The following PPP3R1 variants were observed in gnomAD, a reference collection of about 807,000 sequenced individuals.
PPP3R1 encodes protein phosphatase 3 regulatory subunit B, alpha.
PPP3R1 carries 5 observed loss-of-function variants against 22.6 expected under a neutral mutation model. That is an observed-to-expected ratio of 0.22 (90% confidence interval 0.12 to 0.46). The LOEUF (loss-of-function observed/expected upper bound fraction) is 0.46. Ranked by LOEUF, PPP3R1 falls within the 20% of genes least tolerant of loss-of-function variation. PPP3R1 has a pLI of 0.99. For synonymous variants in PPP3R1, 56 were observed against 65.2 expected, an observed-to-expected ratio of 0.86 and a Z score of 0.68; for missense variants, 61 against 203.2, an observed-to-expected ratio of 0.30 and a Z score of 4.25.
intron 1 of PPP3R1, among the ~76,000 whole-genome samples, chr2:68,230,854 T>A (rs111865722): frequency 1.8e-4 from 27 of 152,212 alleles, no homozygotes; most frequent in African/African-American, 5.8e-4. Context: ...AGAAACCTGC[T>A]ATCATTTGAA....
chr2:68,187,658 G>T (rs1674573627), intron 3 of PPP3R1, among the ~76,000 whole-genome samples: 1 of 152,016 alleles, frequency 6.6e-6, no homozygotes, highest in Admixed American at 6.6e-5. Flanking sequence ...ACTATAAATT[G>T]TTCTGACACA....
intron 1 of PPP3R1, chr2:68,250,850 A>C (rs1670332923): frequency 6.6e-6 from 1 of 152,196 alleles, no homozygotes; most frequent in African/African-American, 2.4e-5. Context: ...TCTTCCCTTA[A>C]AATCGATTTC....
intron 1 of PPP3R1, among the ~76,000 whole-genome samples, chr2:68,223,806 CAAA>C (rs79743936): frequency 1.7e-5 from 1 of 58,530 alleles, no homozygotes; most frequent in Non-Finnish European, 3.9e-5. Context: ...AAAGGGAAGA[CAAA>C]AAAAAAAAAA....
Position 68,252,420 on chromosome 2 carries a change from G to A in PPP3R1, c.-293C>T, listed in dbSNP as rs1312670236. On this transcript the variant is annotated 5_prime_UTR_variant, in exon 1 of 6. Coordinates refer to ENST00000234310, the MANE Select transcript of PPP3R1 (RefSeq NM_000945.4). The stretch of plus-strand genomic sequence containing the variant: ...GGAGAGGCAGAGAAGAAGAAAGGAG[G>A]GGGAGAGGGGGCGAAGACGGCCGGG... 3.0e-6 allele frequency: 3 copies of A among 995,978 alleles called. No homozygotes were observed. Among genetic ancestry groups the A allele is most frequent in the Non-Finnish European group, 3.6e-6 (3 of 837,792 alleles). 61.7% of individuals were successfully genotyped at this position (995,978 alleles called of 1,614,324 possible). A position where few individuals can be genotyped will look rare whatever the true frequency, so the allele number is the denominator to read the frequency against.
intron 1 of PPP3R1, among the ~76,000 whole-genome samples, chr2:68,222,509 A>G (rs1341103180): frequency 6.6e-6 from 1 of 152,216 alleles, no homozygotes; most frequent in Non-Finnish European, 1.5e-5. Context: ...CCTAAATAGA[A>G]CAAAAAGGCA....
At chr2:68,195,229 G>A (rs1674742874) in intron 2 of PPP3R1, among the ~76,000 whole-genome samples, 1 of 152,098 alleles carries the variant, frequency 6.6e-6, no homozygotes, top group South Asian at 2.1e-4. Flanking sequence ...ACTCTTGATT[G>A]ATTGTCTTTC....
At chr2:68,234,800 G>C (rs755176197) in intron 1 of PPP3R1, among the ~76,000 whole-genome samples, 1 of 152,132 alleles carries the variant, frequency 6.6e-6, no homozygotes, top group South Asian at 2.1e-4. Context: ...ACCAGAAAAT[G>C]ATATATGTAT....
intron 1 of PPP3R1, among the ~76,000 whole-genome samples, chr2:68,250,540 C>T (rs1169035088): frequency 6.6e-6 from 1 of 152,202 alleles, no homozygotes; most frequent in Non-Finnish European, 1.5e-5. Context: ...AAAGCATGTG[C>T]ATAAGGAAAT....
intron 1 of PPP3R1, among the ~76,000 whole-genome samples, chr2:68,223,331 A>C (rs919389827): frequency 2.0e-5 from 3 of 152,140 alleles, no homozygotes. Flanking sequence ...GGGAGGTGGA[A>C]GTTGCAGTGA....
At chr2:68,197,301 C>G (rs551355500) in intron 2 of PPP3R1, among the ~76,000 whole-genome samples, 1 of 152,048 alleles carries the variant, frequency 6.6e-6, no homozygotes, top group African/African-American at 2.4e-5. Flanking sequence ...TAGGTACTCG[C>G]GTCTATCTTC....
chr2:68,215,017 A>C (rs1262245972), intron 2 of PPP3R1, among the ~76,000 whole-genome samples: 1 of 152,196 alleles, frequency 6.6e-6, no homozygotes, highest in East Asian at 1.9e-4. Context: ...CATTATCCTA[A>C]GCAAACGCAT....
At chr2:68,242,360 A>G (rs781033107) in intron 1 of PPP3R1, among the ~76,000 whole-genome samples, 2 of 152,078 alleles carry the variant, frequency 1.3e-5, no homozygotes, top group South Asian at 2.1e-4. Context: ...CAGGAGGCTG[A>G]AGTAGCGGTG....
intron 5 of PPP3R1, among the ~76,000 whole-genome samples, chr2:68,182,696 GC>G (rs1674440057): frequency 1.4e-5 from 2 of 142,816 alleles, no homozygotes; most frequent in African/African-American, 5.2e-5. Flanking sequence ...CATGACTCCA[GC>G]CTGGGCAACA....
intron 5 of PPP3R1, among the ~76,000 whole-genome samples, chr2:68,181,669 G>T (rs1458906586): frequency 6.7e-6 from 1 of 150,120 alleles, no homozygotes; most frequent in Non-Finnish European, 1.5e-5. Flanking sequence ...AACAGGCTAT[G>T]GGCAGGATCT....
At chr2:68,223,504 T>C (rs1356194154) in intron 1 of PPP3R1, among the ~76,000 whole-genome samples, 3 of 151,912 alleles carry the variant, frequency 2.0e-5, no homozygotes, top group Non-Finnish European at 4.4e-5. Context: ...ATAAACACCA[T>C]GACTGAGGAT....
chr2:68,238,652 A>G (rs1016757767), intron 1 of PPP3R1, among the ~76,000 whole-genome samples: 1 of 152,208 alleles, frequency 6.6e-6, no homozygotes, highest in Non-Finnish European at 1.5e-5. Flanking sequence ...TAGGTAAGGC[A>G]GAATGAAGGA....
chr2:68,244,553 C>A (rs1287402906), intron 1 of PPP3R1, among the ~76,000 whole-genome samples: 2 of 152,056 alleles, frequency 1.3e-5, no homozygotes, highest in Non-Finnish European at 2.9e-5. Flanking sequence ...CTGATTTTTT[C>A]TCTCTCTTTT....
At chr2:68,250,556 T>G (rs150173155) in intron 1 of PPP3R1, among the ~76,000 whole-genome samples, 69 of 152,334 alleles carry the variant, frequency 4.5e-4, no homozygotes, top group African/African-American at 1.6e-3. Flanking sequence ...GAAATTCTAT[T>G]AAAGCACTGA....
At chr2:68,210,464 C>A (rs564492017) in intron 2 of PPP3R1, among the ~76,000 whole-genome samples, 1 of 152,118 alleles carries the variant, frequency 6.6e-6, no homozygotes, top group Non-Finnish European at 1.5e-5. Context: ...CTTTATTTTA[C>A]GCAACCATAA....
Sources: allele counts gnomAD v4.1 joint callset (sites outside exome capture counted in the v4.1 genomes callset), GRCh38; gene constraint gnomAD v4.1.1; transcripts MANE v1.5; gene names NCBI Gene and HGNC (gene_info 2026-07-23, HGNC 2026-07-21).